Variants in CELF2 observed in about 807,000 individuals in gnomAD.
CELF2 encodes the protein CUG triplet repeat RNA-binding protein 2.
A neutral mutation model predicts 62.6 loss-of-function variants in CELF2; 8 were observed. The ratio of observed to expected loss-of-function variants is 0.13; its 90% CI spans 0.07 to 0.23. The LOEUF (loss-of-function observed/expected upper bound fraction) is 0.23. Ranked by LOEUF, CELF2 falls within the 10% of genes least tolerant of loss-of-function variation. CELF2 has a pLI of 1.00. For missense variants in CELF2, 333 were observed against 671.0 expected (o/e 0.50, Z 5.56); for synonymous variants, 258 against 250.0 (o/e 1.03, Z -0.30).
the CELF2 span, among the ~76,000 whole-genome samples, chr10:10,623,393 T>G: frequency 6.6e-6 from 1 of 152,238 alleles, no homozygotes; most frequent in African/African-American, 2.4e-5. Context: ...GAATTACCTC[T>G]CTTCATACTA....
chr10:10,589,908 C>T, the CELF2 span, among the ~76,000 whole-genome samples: 1 of 152,162 alleles, frequency 6.6e-6, no homozygotes, highest in Non-Finnish European at 1.5e-5. Context: ...CCTCAGATAC[C>T]AGGAGCAGTG....
chr10:10,709,165 T>G, the CELF2 span, among the ~76,000 whole-genome samples: 1 of 152,184 alleles, frequency 6.6e-6, no homozygotes, highest in Non-Finnish European at 1.5e-5. Context: ...CAAATGGAAT[T>G]AAAATAATGT....
intron 1 of CELF2, among the ~76,000 whole-genome samples, chr10:11,056,886 A>T (rs878972845): frequency 1.3e-5 from 2 of 152,146 alleles, no homozygotes; most frequent in Non-Finnish European, 2.9e-5. Flanking sequence ...TACTGGGGGA[A>T]GTCTGTGCAG....
At chr10:10,689,689 C>T in the CELF2 span, among the ~76,000 whole-genome samples, 5 of 152,110 alleles carry the variant, frequency 3.3e-5, no homozygotes, top group South Asian at 1.0e-3. Context: ...ACAGATTCAC[C>T]GAAGAACCTG....
chr10:10,719,998 T>C, the CELF2 span, among the ~76,000 whole-genome samples: 4 of 152,204 alleles, frequency 2.6e-5, no homozygotes, highest in Non-Finnish European at 5.9e-5. Context: ...CTGAATATCA[T>C]CATTTCCTCC....
chr10:10,925,504 A>T (rs931040491), intron 2 of CELF2, among the ~76,000 whole-genome samples: 3 of 152,110 alleles, frequency 2.0e-5, no homozygotes, highest in African/African-American at 7.2e-5. Context: ...GAAGTGGTTC[A>T]GTGGCATGAA....
chr10:10,801,386 A>G (rs921260190), intron 1 of CELF2, among the ~76,000 whole-genome samples: 10 of 152,330 alleles, frequency 6.6e-5, no homozygotes, highest in African/African-American at 2.4e-4. Context: ...CCTTTTGGCT[A>G]ATTTTGCTTC....
At chr10:11,087,666 A>G (rs549744875) in intron 1 of CELF2, among the ~76,000 whole-genome samples, 28 of 152,316 alleles carry the variant, frequency 1.8e-4, no homozygotes, top group Non-Finnish European at 1.5e-4. Context: ...AGTAGGAATA[A>G]TCAGCCTATC....
At chr10:10,598,565 C>T in the CELF2 span, among the ~76,000 whole-genome samples, 1,318 of 152,186 alleles carry the variant, frequency 8.7e-3, 23 homozygotes, top group African/African-American at 0.029. Context: ...TACAGAGACA[C>T]AATACATATG....
intron 1 of CELF2, among the ~76,000 whole-genome samples, chr10:11,123,546 G>A (rs1162931648): frequency 2.0e-5 from 3 of 152,138 alleles, no homozygotes; most frequent in South Asian, 2.1e-4. Flanking sequence ...CACCATGCCC[G>A]GCTGAGGCAA....
In CELF2 at chr10:11,159,081, T is replaced by G. The variant is rs185563362; in HGVS notation, c.75-6405T>G. On this transcript the variant is annotated intron_variant, in intron 1 of 12. Coordinates refer to ENST00000633077, the MANE Select transcript of CELF2 (RefSeq NM_001326342.2). This position sits in a 1 kb window ranked among gnomAD's most constrained non-coding sequence, Gnocchi z 5.0. The stretch of plus-strand genomic sequence containing the variant: ...TTAGGGTATTTGCTCTGGTCAATTT[T>G]CCATGTGGATTCACTAGCTGATGTG... Among the ~76,000 whole-genome samples, 14 of 152,316 alleles carry G rather than the reference T, an allele frequency of 9.2e-5. No individual in the cohort carries two copies. Among genetic ancestry groups the G allele is most frequent in the African/African-American group, 3.4e-4 (14 of 41,570 alleles).
In CELF2 at chr10:11,008,558, A is replaced by G. The variant is rs979680671; in HGVS notation, c.53+3118A>G. ...TGCTAGAAGACCGAGGAAGTCATTC[A>G]AAGAGTGAATCAATACTAATTATTG... On this transcript the variant is annotated intron_variant, in intron 1 of 12. Coordinates refer to the CELF2 transcript ENST00000416382. This position sits in a 1 kb window ranked among gnomAD's most constrained non-coding sequence, Gnocchi z 4.5. Among the ~76,000 whole-genome samples the G allele has an allele frequency of 6.6e-6, 1 of 152,258 alleles. No homozygotes were observed. Among genetic ancestry groups the G allele is most frequent in the Non-Finnish European group, 1.5e-5 (1 of 68,046 alleles).
rs760557381 is a variant in CELF2 at position 11,257,719 on chromosome 10, C to A, written c.404-19C>A. The A allele has an allele frequency of 1.2e-6, 2 of 1,610,468 alleles. No individual in the cohort carries two copies. ...AAAGATGAAATGGCCTTTGCTCATT[C>A]GTTATTTTTATCTCCTAGCTGTGGA... On this transcript the variant is annotated intron_variant, in intron 4 of 12. Coordinates refer to ENST00000633077, the MANE Select transcript of CELF2 (RefSeq NM_001326342.2).
chr10:10,976,318 G>C (rs938860877), intron 2 of CELF2, among the ~76,000 whole-genome samples: 1 of 152,224 alleles, frequency 6.6e-6, no homozygotes, highest in Non-Finnish European at 1.5e-5. Context: ...AAGTTACACA[G>C]TGGGTGATTT....
chr10:10,854,828 C>T (rs2059608230), intron 1 of CELF2, among the ~76,000 whole-genome samples: 1 of 151,918 alleles, frequency 6.6e-6, no homozygotes. Flanking sequence ...CATTCTCCCA[C>T]CCCCTGTTCT....
At chr10:11,139,987 C>T (rs116021343) in intron 1 of CELF2, among the ~76,000 whole-genome samples, 1,783 of 152,084 alleles carry the variant, frequency 0.012, 30 homozygotes, top group African/African-American at 0.041. Flanking sequence ...GCGTTATTTT[C>T]CAGGAGGTTC....
chr10:10,835,825 G>T (rs2058243758), intron 1 of CELF2, among the ~76,000 whole-genome samples: 1 of 152,214 alleles, frequency 6.6e-6, no homozygotes, highest in African/African-American at 2.4e-5. Context: ...GTAAACAAAT[G>T]CATAATTGTA....
the CELF2 span, among the ~76,000 whole-genome samples, chr10:10,719,338 G>A: frequency 0.013 from 1,911 of 152,114 alleles, 39 homozygotes; most frequent in African/African-American, 0.043. Flanking sequence ...AGCTCACTGC[G>A]GCCTCAAAGT....
At position 11,227,152 on chromosome 10, in the gene CELF2, AC is replaced by A. The variant is rs1379891456; in HGVS notation, c.354+9647del. 6.6e-6 allele frequency among the ~76,000 whole-genome samples: 1 copy of A among 152,166 alleles called. No homozygotes were observed. The highest frequency in any genetic ancestry group is 1.5e-5 in the Non-Finnish European group (1 of 68,016). On this transcript the variant is annotated intron_variant, in intron 3 of 12. Transcript: ENST00000633077. This position sits in a 1 kb window ranked among gnomAD's most constrained non-coding sequence, Gnocchi z 4.8. ...GGCCGAGGTTGTGAAACAAACGGAA[AC>A]CTCAACCTGCCTGCCATCATCACAC...
Sources: allele counts gnomAD v4.1 joint callset (sites outside exome capture counted in the v4.1 genomes callset), GRCh38; gene constraint gnomAD v4.1.1; non-coding constraint Gnocchi (gnomAD v3.1); transcripts MANE v1.5; gene names NCBI Gene and HGNC (gene_info 2026-07-23, HGNC 2026-07-21).